Variants in RRBP1 observed in about 807,000 individuals in gnomAD.
RRBP1 encodes ribosome binding protein 1.
In RRBP1, 94 loss-of-function variants were observed where a neutral mutation model predicts 165.2. The ratio of observed to expected loss-of-function variants is 0.57; its 90% CI spans 0.48 to 0.68. The LOEUF is 0.68. RRBP1 is among the 30% of genes least tolerant of loss of function. The pLI is 0.00. For missense variants in RRBP1, 1,676 were observed against 1,763.0 expected (o/e 0.95, Z 0.88); for synonymous variants, 680 against 714.5 (o/e 0.95, Z 0.77).
At chr20:17,647,693 T>C (rs2036488342) in intron 3 of RRBP1, among the ~76,000 whole-genome samples, 1 of 152,144 alleles carries the variant, frequency 6.6e-6, no homozygotes, top group African/African-American at 2.4e-5. Context: ...CAATGGAACC[T>C]GAAACAGCAT....
chr20:17,627,376 G>C lies in RRBP1; in HGVS notation c.2935C>G (p.Gln979Glu). ...ARDAQDVQAS[Q>E]AEADQQQTRL... is the part of the protein sequence containing the mutation. ...GTCTGCTGCTGGTCAGCCTCCGCCT[G>C]GCTGGCCTGGAATGAGAGACAAAAG... The change falls in exon 11 of 25, where the codon CAG (glutamine) becomes GAG (glutamate). Residue 979 changes from glutamine (Q) to glutamate (E), a missense_variant. By Grantham distance (29) the Gln-to-Glu change is conservative. Transcript: ENST00000377813. 6.2e-7 allele frequency: 1 copy of C among 1,614,026 alleles called. No homozygotes were observed. The highest frequency in any genetic ancestry group is 8.5e-7 in the Non-Finnish European group (1 of 1,179,972).
intron 2 of RRBP1, among the ~76,000 whole-genome samples, chr20:17,676,588 A>G (rs1307905387): frequency 1.3e-5 from 2 of 152,132 alleles, no homozygotes; most frequent in Non-Finnish European, 2.9e-5. Context: ...GGGACTGCCA[A>G]TACCCAAGCA....
At chr20:17,652,804 T>A (rs1329050061) in intron 3 of RRBP1, among the ~76,000 whole-genome samples, 1 of 152,196 alleles carries the variant, frequency 6.6e-6, no homozygotes, top group African/African-American at 2.4e-5. Flanking sequence ...ACGTGTCTCA[T>A]CCGGGCTTGC....
Position 17,660,539 on chromosome 20 carries a change from T to C in RRBP1, c.-21-11A>G, listed in dbSNP as rs567016903. On this transcript the variant is annotated splice_polypyrimidine_tract_variant and intron_variant, in intron 2 of 24. Transcript: ENST00000377813. The stretch of plus-strand genomic sequence containing the variant: ...TTGCTTTCCTTTCACCTGTCAAACA[T>C]ACATGGAGGTTACTATTTATAGAAA... 19 of 1,477,576 alleles carry C rather than the reference T, an allele frequency of 1.3e-5. No homozygotes were observed. The Admixed American group carries it at 2.2e-4, about 17-fold the overall frequency. The allele number at this position is 1,477,576 out of a possible 1,614,324, so 91.5% of individuals were successfully genotyped here.
Position 17,616,759 on chromosome 20 carries a change from C to T in RRBP1, c.3840G>A (p.Ala1280=), listed in dbSNP as rs371306215. Residue 1280 remains alanine (A), a synonymous_variant, in exon 21 of 25, where the codon GCG becomes GCA. Transcript: ENST00000377813. ...GAACGGGGTCCTGCTCGGCTGGGGG[C>T]GCCTCTGGGGAGGAAGCTGGGGCCC... ...IAGAPASSPE[A]PPAEQDPVQL... is the part of the protein sequence containing the mutation. 4.0e-5 allele frequency: 65 copies of T among 1,611,254 alleles called. No individual in the cohort carries two copies. The highest frequency in any genetic ancestry group is 6.7e-5 in the Admixed American group (4 of 59,598).
chr20:17,650,510 G>T (rs972628858), intron 3 of RRBP1, among the ~76,000 whole-genome samples: 4 of 152,206 alleles, frequency 2.6e-5, no homozygotes, highest in Non-Finnish European at 4.4e-5. Context: ...AGGCAGAAAG[G>T]TCACAGGTCC....
chr20:17,647,369 G>C (rs796732505), intron 3 of RRBP1, among the ~76,000 whole-genome samples: 20 of 152,384 alleles, frequency 1.3e-4, no homozygotes, highest in African/African-American at 4.3e-4. Flanking sequence ...GACACGGTGA[G>C]GGGCTTTGGG....
intron 3 of RRBP1, among the ~76,000 whole-genome samples, chr20:17,658,121 C>T (rs961096894): frequency 8.5e-5 from 13 of 152,304 alleles, no homozygotes; most frequent in African/African-American, 3.1e-4. Flanking sequence ...CTGTTGCTCA[C>T]TCCTCACCTC....
chr20:17,626,881 CA>C (rs2122287689), intron 11 of RRBP1, among the ~76,000 whole-genome samples: 1 of 152,348 alleles, frequency 6.6e-6, no homozygotes, highest in Admixed American at 6.5e-5. Context: ...TGGAGGAAAA[CA>C]ACGCTGAGAC....
chr20:17,641,852 G>A lies in RRBP1; in HGVS notation c.2129C>T (p.Ala710Val), dbSNP rs372699243. 3.7e-6 allele frequency: 6 copies of A among 1,614,036 alleles called. No homozygotes were observed. Among genetic ancestry groups the A allele is most frequent in the Non-Finnish European group, 5.1e-6 (6 of 1,180,000 alleles). ...GACAGCCGCATCTTCCTGTTCTGTG[G>A]CCAGCAGTTTTTCCTTCTCTTCCAG... ...RQLEEKEKLL[A>V]TEQEDAAVAK... is the part of the protein sequence containing the mutation. Residue 710 changes from alanine to valine, a missense_variant, in exon 5 of 25, where the codon GCC (alanine) becomes GTC (valine). Transcript: ENST00000377813.
intron 2 of RRBP1, among the ~76,000 whole-genome samples, chr20:17,669,300 G>A (rs2036930023): frequency 2.0e-5 from 3 of 152,170 alleles, no homozygotes; most frequent in African/African-American, 7.2e-5. Flanking sequence ...TGGAAAGTAG[G>A]TACTTAAACA....
At chr20:17,667,931 C>T (rs1374723465) in intron 2 of RRBP1, among the ~76,000 whole-genome samples, 1 of 152,168 alleles carries the variant, frequency 6.6e-6, no homozygotes, top group Non-Finnish European at 1.5e-5. Flanking sequence ...TTTCTCTCAC[C>T]ATGTTGAAGA....
chr20:17,681,217 C>A (rs2037177085), intron 1 of RRBP1, among the ~76,000 whole-genome samples: 1 of 148,544 alleles, frequency 6.7e-6, no homozygotes. Context: ...CGGGCCGGGC[C>A]CCGGGCGCCC....
chr20:17,619,481 A>T lies in RRBP1; in HGVS notation c.3675+152T>A. Reference sequence around the variant, plus strand: ...ACACCTCAGGCCTGACAGCCCAACGAGGGGCCTGTGAGGCTTCGGGCAAAC... The same window carrying T: ...ACACCTCAGGCCTGACAGCCCAACGTGGGGCCTGTGAGGCTTCGGGCAAAC... On this transcript the variant is annotated intron_variant, in intron 19 of 24. Coordinates refer to ENST00000377813, the MANE Select transcript of RRBP1 (RefSeq NM_001365613.2). The T allele has an allele frequency of 5.6e-6, 3 of 537,072 alleles. No individual in the cohort carries two copies. The South Asian group carries it at 8.2e-5, about 15-fold the overall frequency. The allele number at this position is 537,072 out of a possible 1,614,324, so 33.3% of individuals were successfully genotyped here.
chr20:17,621,714 C>T lies in RRBP1; in HGVS notation c.3300G>A (p.Pro1100=), dbSNP rs771337099. The T allele has an allele frequency of 2.4e-5, 38 of 1,613,578 alleles. No individual in the cohort carries two copies. The highest frequency in any genetic ancestry group is 8.3e-5 in the Admixed American group (5 of 60,004). The part of the protein sequence containing the change: ...KEKGPTLLKH[P]PAPAEPSSDL... ...CCGAGGAGGGCTCCGCGGGAGCTGG[C>T]GGGTGCTTCAGCAGCGTGGGGCCTT... Residue 1100 remains proline, a synonymous_variant, in exon 15 of 25, where the codon CCG becomes CCA. Transcript: ENST00000377813.
chr20:17,639,500 G>C (rs112373721), intron 5 of RRBP1, among the ~76,000 whole-genome samples: 36 of 152,228 alleles, frequency 2.4e-4, no homozygotes, highest in African/African-American at 8.4e-4. Context: ...CCCAGCTCCC[G>C]AGGGGGATTA....
chr20:17,621,614 A>C (rs1456181749), intron 15 of RRBP1, 67 bp from the exon 16 acceptor site: 1 of 1,590,992 alleles, frequency 6.3e-7, no homozygotes, highest in Non-Finnish European at 8.6e-7. Flanking sequence ...CTTCCCGTTG[A>C]AATGACTTGG....
intron 8 of RRBP1, among the ~76,000 whole-genome samples, chr20:17,630,987 G>A (rs2036140249): frequency 6.6e-6 from 1 of 152,254 alleles, no homozygotes; most frequent in African/African-American, 2.4e-5. Flanking sequence ...GCTGGAGCCA[G>A]TGAAGCCATC....
chr20:17,636,468 C>A, intron 6 of RRBP1, 109 bp downstream of exon 6: 1 of 1,354,266 alleles, frequency 7.4e-7, no homozygotes, highest in Non-Finnish European at 1.0e-6. Context: ...CTGTGGGCAT[C>A]CTCAACCCCC....
Sources: allele counts gnomAD v4.1 joint callset (sites outside exome capture counted in the v4.1 genomes callset), GRCh38; gene constraint gnomAD v4.1.1; transcripts MANE v1.5; gene names NCBI Gene and HGNC (gene_info 2026-07-23, HGNC 2026-07-21).